The following CCDC33 variants were observed in gnomAD, a reference collection of about 807,000 sequenced individuals.
CCDC33 encodes the protein coiled-coil domain-containing protein 33.
Under a neutral mutation model 91.9 loss-of-function variants are expected in CCDC33, and 94 were observed. That is an observed-to-expected ratio of 1.02 (90% confidence interval 0.87 to 1.21). The LOEUF is 1.21. Among genes scored for constraint, CCDC33 ranks in the 50% most tolerant of loss-of-function variants. The probability of loss-of-function intolerance (pLI) is 0.00; values close to 1 mark genes in which losing one functional copy is unlikely to be tolerated. For missense variants in CCDC33, 940 were observed against 935.5 expected, an observed-to-expected ratio of 1.00 and a Z score of -0.06; for synonymous variants, 396 against 374.5, an observed-to-expected ratio of 1.06 and a Z score of -0.66.
intron 11 of CCDC33, among the ~76,000 whole-genome samples, chr15:74,313,022 C>T (rs768023297): frequency 3.3e-5 from 5 of 152,232 alleles, no homozygotes; most frequent in Non-Finnish European, 4.4e-5. Context: ...TTCTGATCCC[C>T]ACTCTGGCTC....
chr15:74,279,135 C>T (rs2076524374), intron 7 of CCDC33, among the ~76,000 whole-genome samples: 3 of 152,190 alleles, frequency 2.0e-5, no homozygotes, highest in South Asian at 4.1e-4. Context: ...TATAACCCAG[C>T]AATTCCATTT....
chr15:74,210,904 C>A (rs962770498), intron 2 of CCDC33, among the ~76,000 whole-genome samples: 1 of 152,200 alleles, frequency 6.6e-6, no homozygotes, highest in South Asian at 2.1e-4. Flanking sequence ...ATAGCTGGAT[C>A]TCAGGCAGCC....
At chr15:74,208,820 G>A in intron 1 of CCDC33, 1 of 989,238 alleles carries the variant, frequency 1.0e-6, no homozygotes, top group South Asian at 4.6e-5. Context: ...GCGCTCTCCT[G>A]ACCTCTCCCT....
rs1440275198 is a variant in CCDC33, at chr15:74,316,676, G to A, written c.1291-13513G>A. The stretch of plus-strand genomic sequence containing the variant: ...TGACTGGTGCCATCCAGGGAGGATG[G>A]CCGACTCCACCACGGGCCTCCCTTT... On this transcript the variant is annotated intron_variant, in intron 11 of 18. Transcript: ENST00000398814. This position sits in a 1 kb window ranked among gnomAD's most constrained non-coding sequence, Gnocchi z 4.7. Among the ~76,000 whole-genome samples the A allele has an allele frequency of 6.6e-6, 1 of 152,122 alleles. No individual in the cohort carries two copies. Among genetic ancestry groups the A allele is most frequent in the Non-Finnish European group, 1.5e-5 (1 of 68,004 alleles).
chr15:74,274,439 C>T (rs1360354199), intron 7 of CCDC33, among the ~76,000 whole-genome samples: 2 of 152,178 alleles, frequency 1.3e-5, no homozygotes, highest in Non-Finnish European at 2.9e-5. Flanking sequence ...CCCACCAGTG[C>T]TTATGTCTGG....
chr15:74,307,932 A>G (rs910998847), intron 11 of CCDC33, among the ~76,000 whole-genome samples: 1 of 127,020 alleles, frequency 7.9e-6, no homozygotes, highest in African/African-American at 2.9e-5. Context: ...CACACAGCTC[A>G]ATTTCAGTCC....
rs867779419 is a variant in CCDC33 at position 74,281,824 on chromosome 15, T to C, written c.1070T>C (p.Leu357Pro). ...TINDEAPTVA[L>P]SFQLLSSERP... ...AATGATGAGGCCCCCACAGTGGCTC[T>C]CTCCTTCCAGCTGCTTTCCTCTGAG... Residue 357 changes from leucine (L) to proline (P), a missense_variant, in exon 10 of 19, where the codon CTC becomes CCC. Coordinates refer to ENST00000398814, the MANE Select transcript of CCDC33 (RefSeq NM_025055.5). 6.2e-6 allele frequency: 10 copies of C among 1,613,950 alleles called. No individual in the cohort carries two copies. The African/African-American group carries it at 1.2e-4, about 19-fold the overall frequency.
intron 10 of CCDC33, among the ~76,000 whole-genome samples, chr15:74,289,112 C>T (rs1025412528): frequency 4.6e-5 from 7 of 152,164 alleles, no homozygotes; most frequent in African/African-American, 7.2e-5. Context: ...ACTCGGTGCC[C>T]GCCCCTCATG....
In CCDC33 at chr15:74,218,990, A is replaced by G; in HGVS notation, c.675+129A>G. On this transcript the variant is annotated intron_variant, in intron 2 of 2. Coordinates refer to the CCDC33 transcript ENST00000635913. The surrounding 1 kb of genome is among the most constrained non-coding windows in gnomAD (Gnocchi z 4.8). ...GAGCAGCAGAGCTCCCAAGGCTGCC[A>G]TGTTCAGTCTGAGGAACGTGCAGTC... 2.1e-6 allele frequency: 2 copies of G among 969,650 alleles called. No homozygotes were observed. Among genetic ancestry groups the G allele is most frequent in the Non-Finnish European group, 2.7e-6 (2 of 749,990 alleles). The allele number at this position is 969,650 out of a possible 1,614,324, so 60.1% of individuals were successfully genotyped here. A position where few individuals can be genotyped will look rare whatever the true frequency, so the allele number is the denominator to read the frequency against.
intron 1 of CCDC33, 124 bp downstream of exon 1, chr15:74,236,864 A>G (rs2075176282): frequency 1.1e-6 from 1 of 947,966 alleles, no homozygotes; most frequent in Non-Finnish European, 1.6e-6. Context: ...CTCAGTTTTC[A>G]CAGCTGTGAA....
intron 11 of CCDC33, among the ~76,000 whole-genome samples, chr15:74,322,668 C>T (rs990115872): frequency 6.6e-6 from 1 of 152,202 alleles, no homozygotes. Flanking sequence ...GAGACAGCTC[C>T]GCACACACCT....
intron 10 of CCDC33, 56 bp from the exon 11 acceptor site, chr15:74,295,698 A>T: frequency 6.9e-7 from 1 of 1,448,990 alleles, no homozygotes; most frequent in Non-Finnish European, 9.5e-7. Context: ...TGCTTATGGT[A>T]GATGGGCACA....
At chr15:74,295,242 C>G (rs948971301) in intron 10 of CCDC33, among the ~76,000 whole-genome samples, 1 of 152,218 alleles carries the variant, frequency 6.6e-6, no homozygotes, top group South Asian at 2.1e-4. Flanking sequence ...AGGTTCCTTG[C>G]TGACATGGGA....
At chr15:74,254,860 G>A (rs1443282872) in intron 2 of CCDC33, among the ~76,000 whole-genome samples, 1 of 149,934 alleles carries the variant, frequency 6.7e-6, no homozygotes, top group Non-Finnish European at 1.5e-5. Context: ...CAATTCTCCT[G>A]CCTCAGCCTC....
In CCDC33 at chr15:74,246,044, C is replaced by T. The variant is rs547579622; in HGVS notation, c.185+1896C>T. On this transcript the variant is annotated intron_variant, in intron 2 of 18. Transcript: ENST00000398814. ...ATCCAGACCCTCAGAGGCCATAGAA[C>T]CTGGAAAGAATTTATATCCCTGCAC... Among the ~76,000 whole-genome samples the T allele has an allele frequency of 2.0e-5, 3 of 152,260 alleles. No homozygotes were observed. The South Asian group carries it at 6.2e-4, about 32-fold the overall frequency.
At chr15:74,310,137 AGAGT>A (rs1301054396) in intron 11 of CCDC33, among the ~76,000 whole-genome samples, 2 of 151,798 alleles carry the variant, frequency 1.3e-5, no homozygotes, top group South Asian at 2.1e-4. Flanking sequence ...CCCGGATGAC[AGAGT>A]GAGAACCTGA....
intron 3 of CCDC33, among the ~76,000 whole-genome samples, chr15:74,264,156 C>A (rs371353171): frequency 7.5e-6 from 1 of 132,890 alleles, no homozygotes; most frequent in Non-Finnish European, 1.5e-5. Context: ...ATTGAAGTAG[C>A]TGGATGCTTG....
rs530212608 is a variant in CCDC33, at chr15:74,295,266, A to G, written c.1096-488A>G. On this transcript the variant is annotated intron_variant, in intron 10 of 18. Coordinates refer to ENST00000398814, the MANE Select transcript of CCDC33 (RefSeq NM_025055.5). Reference sequence around the variant, plus strand: ...GCTGACATGGGACTCACATCCTAGCATGGGCATTTGCAGAAGGAAGGCAGT... The same window carrying G: ...GCTGACATGGGACTCACATCCTAGCGTGGGCATTTGCAGAAGGAAGGCAGT... Among the ~76,000 whole-genome samples the G allele has an allele frequency of 1.5e-3, 235 of 152,352 alleles. 1 individual carries two copies. The highest frequency in any genetic ancestry group is 5.3e-3 in the African/African-American group (222 of 41,576).
upstream of CCDC33, among the ~76,000 whole-genome samples, chr15:74,235,172 T>C (rs539651444): frequency 7.9e-5 from 12 of 152,324 alleles, no homozygotes; most frequent in African/African-American, 2.9e-4. Context: ...GGAGTACCAC[T>C]CTTGGCAGGC....
Sources: allele counts gnomAD v4.1 joint callset (sites outside exome capture counted in the v4.1 genomes callset), GRCh38; gene constraint gnomAD v4.1.1; non-coding constraint Gnocchi (gnomAD v3.1); transcripts MANE v1.5; gene names NCBI Gene and HGNC (gene_info 2026-07-23, HGNC 2026-07-21).